SLC5A8: variants seen among roughly 807,000 people sequenced by gnomAD.
SLC5A8 encodes the protein solute carrier family 5 member 8, also known as sodium-coupled monocarboxylate transporter 1.
In SLC5A8, 55 loss-of-function variants were observed where a neutral mutation model predicts 71.9. The ratio of observed to expected loss-of-function variants is 0.77; its 90% CI spans 0.62 to 0.96. The LOEUF (loss-of-function observed/expected upper bound fraction) is 0.96. Among genes scored for constraint, SLC5A8 ranks in the 40% least tolerant of loss-of-function variants. The pLI is 0.00. For missense variants in SLC5A8, 701 were observed against 745.3 expected (o/e 0.94, Z 0.69); for synonymous variants, 307 against 276.1 (o/e 1.11, Z -1.11).
At chr12:101,193,581 G>C in intron 5 of SLC5A8, 44 bp downstream of exon 5, 1 of 1,546,602 alleles carries the variant, frequency 6.5e-7, no homozygotes, top group South Asian at 1.2e-5. Flanking sequence ...TATTTTTATA[G>C]AATACAAAAG....
intron 6 of SLC5A8, among the ~76,000 whole-genome samples, chr12:101,188,995 G>A (rs187541369): frequency 6.0e-4 from 92 of 152,256 alleles, no homozygotes; most frequent in African/African-American, 2.1e-3. Flanking sequence ...TTACCATAGC[G>A]TAAGTGTGAG....
rs530896179 is a variant in SLC5A8, at chr12:101,194,568, C to T, written c.537+527G>A. Among the ~76,000 whole-genome samples, 62 of 152,206 alleles carry T rather than the reference C, an allele frequency of 4.1e-4. 1 individual carries two copies. The highest frequency in any genetic ancestry group is 1.2e-3 in the African/African-American group (49 of 41,536). Reference sequence around the variant, plus strand: ...GCAGCCTCAAATTCCTGGGCTCAGGCGATCCTCCCACCTCAGCCTCCTGAG... The same window carrying T: ...GCAGCCTCAAATTCCTGGGCTCAGGTGATCCTCCCACCTCAGCCTCCTGAG... On this transcript the variant is annotated intron_variant, in intron 4 of 14. Coordinates refer to ENST00000536262, the MANE Select transcript of SLC5A8 (RefSeq NM_145913.5).
chr12:101,200,002 C>A (rs1446436189), intron 3 of SLC5A8, among the ~76,000 whole-genome samples: 4 of 20,490 alleles, frequency 2.0e-4, no homozygotes, highest in Non-Finnish European at 2.0e-4. Context: ...AAATGAAGTA[C>A]TACCAGCAAA....
intron 7 of SLC5A8, among the ~76,000 whole-genome samples, chr12:101,186,834 A>G (rs1340773435): frequency 6.6e-6 from 1 of 152,204 alleles, no homozygotes; most frequent in African/African-American, 2.4e-5. Context: ...GGTAAGTTAT[A>G]TAACCTCTCT....
At position 101,157,041 on chromosome 12, in the gene SLC5A8, G is replaced by C. The variant is rs912108461; in HGVS notation, c.*238C>G. On this transcript the variant is annotated 3_prime_UTR_variant, in exon 15 of 15. Transcript: ENST00000536262. ...TGTAGTTACAATTTTCACAATTATA[G>C]CTTCATCGAAATAAAGGAAAGAGAG... is the stretch of plus-strand genomic sequence containing the variant. 4.4e-6 allele frequency: 2 copies of C among 450,796 alleles called. No individual in the cohort carries two copies. The highest frequency in any genetic ancestry group is 7.9e-6 in the Non-Finnish European group (2 of 254,384). The allele number at this position is 450,796 out of a possible 1,614,324, so 27.9% of individuals were successfully genotyped here.
intron 8 of SLC5A8, among the ~76,000 whole-genome samples, chr12:101,183,212 A>AT (rs1454518910): frequency 3.3e-5 from 5 of 151,808 alleles, no homozygotes; most frequent in African/African-American, 9.7e-5. Flanking sequence ...AGCCTGGCTA[A>AT]TTTTTTGTAT....
At chr12:101,167,958 A>AAATAGAAATATTTT (rs1450343609) in intron 11 of SLC5A8, 138 bp downstream of exon 11, 1 of 834,032 alleles carries the variant, frequency 1.2e-6, no homozygotes, top group African/African-American at 1.7e-5. Context: ...ACACTCCACC[A>AAATAGAAATATTTT]AAGTCAACAG....
intron 1 of SLC5A8, among the ~76,000 whole-genome samples, chr12:101,208,313 G>A (rs538098161): frequency 6.6e-6 from 1 of 152,268 alleles, no homozygotes; most frequent in African/African-American, 2.4e-5. Context: ...TGTCACCAAT[G>A]TTTGTTGTGC....
At chr12:101,207,691 C>T (rs1869730224) in intron 1 of SLC5A8, among the ~76,000 whole-genome samples, 3 of 152,162 alleles carry the variant, frequency 2.0e-5, no homozygotes, top group Non-Finnish European at 4.4e-5. Context: ...TAGATCACAG[C>T]TCACAGACTC....
In SLC5A8 at chr12:101,157,232, A is replaced by G. The variant is rs2051673368; in HGVS notation, c.*47T>C. On this transcript the variant is annotated 3_prime_UTR_variant, in exon 15 of 15. Coordinates refer to ENST00000536262, the MANE Select transcript of SLC5A8 (RefSeq NM_145913.5). ...ACCTGATCCAATTATCTTAGAAAAC[A>G]TATAAAATTGAAACATCATTTAAGG... The G allele has an allele frequency of 6.3e-7, 1 of 1,591,902 alleles. No individual in the cohort carries two copies. Among genetic ancestry groups the G allele is most frequent in the South Asian group, 1.1e-5 (1 of 88,878 alleles).
chr12:101,162,087 C>A lies in SLC5A8; in HGVS notation c.1527-10G>T, dbSNP rs1566305158. 1 of 1,580,140 alleles carries A rather than the reference C, an allele frequency of 6.3e-7. No homozygotes were observed. The highest frequency in any genetic ancestry group is 2.2e-5 in the East Asian group (1 of 44,662). ...ATCCATCAGTGGAGTCCTAAGAGAG[C>A]AAAAACACAACGGTAAGATTTCATG... On this transcript the variant is annotated splice_polypyrimidine_tract_variant and intron_variant, in intron 12 of 14. Transcript: ENST00000536262.
chr12:101,179,056 A>C (rs1263696396), intron 10 of SLC5A8, among the ~76,000 whole-genome samples: 1 of 152,192 alleles, frequency 6.6e-6, no homozygotes, highest in Admixed American at 6.5e-5. Flanking sequence ...GCTGAAAAAC[A>C]TTTTCAACAT....
chr12:101,184,918 G>C (rs958228695), intron 7 of SLC5A8, among the ~76,000 whole-genome samples: 6 of 152,214 alleles, frequency 3.9e-5, no homozygotes, highest in African/African-American at 1.2e-4. Context: ...GGACTCTGTT[G>C]CATGGCAGTT....
Position 101,209,920 on chromosome 12 carries a change from CT to C in SLC5A8, c.-73del, listed in dbSNP as rs1869859585. 1 of 1,347,156 alleles carries C rather than the reference CT, an allele frequency of 7.4e-7. No homozygotes were observed. Among genetic ancestry groups the C allele is most frequent in the East Asian group, 2.7e-5 (1 of 37,452 alleles). 83.5% of individuals were successfully genotyped at this position (1,347,156 alleles called of 1,614,324 possible). Reference sequence around the variant, plus strand: ...GCGCGCAGCCGGAGCCCGGCGCGCACTTCTTATCCCGGATCCCTGGCGCGCA... The same window carrying C: ...GCGCGCAGCCGGAGCCCGGCGCGCACTCTTATCCCGGATCCCTGGCGCGCA... On this transcript the variant is annotated 5_prime_UTR_variant, in exon 1 of 15. Transcript: ENST00000536262.
intron 13 of SLC5A8, among the ~76,000 whole-genome samples, chr12:101,158,594 C>CTATATA (rs1566303459): frequency 6.6e-4 from 14 of 21,286 alleles, no homozygotes; most frequent in African/African-American, 9.6e-4. Flanking sequence ...CTCTCTCTCT[C>CTATATA]TCTCTATATA....
At chr12:101,184,025 G>T in intron 8 of SLC5A8, 109 bp downstream of exon 8, 1 of 1,046,912 alleles carries the variant, frequency 9.6e-7, no homozygotes, top group Non-Finnish European at 1.4e-6. Context: ...GCCTACTTTG[G>T]GCCATCTGTG....
chr12:101,186,481 T>G (rs1868651393), intron 7 of SLC5A8, among the ~76,000 whole-genome samples: 1 of 152,174 alleles, frequency 6.6e-6, no homozygotes, highest in Non-Finnish European at 1.5e-5. Context: ...AGAAAATAAT[T>G]TTGGCAAGAA....
rs765436496 is a variant in SLC5A8 at position 101,193,795 on chromosome 12, A to G, written c.538-16T>C. 2 of 1,612,824 alleles carry G rather than the reference A, an allele frequency of 1.2e-6. No individual in the cohort carries two copies. Among genetic ancestry groups the G allele is most frequent in the Admixed American group, 1.7e-5 (1 of 59,830 alleles). ...TAAGACCACCCTTTGAGGGGAAAGT[A>G]TATTAGGATTAATGCTTCTATTAGA... On this transcript the variant is annotated splice_polypyrimidine_tract_variant and intron_variant, in intron 4 of 14. Transcript: ENST00000536262.
In SLC5A8 at chr12:101,157,018, T is replaced by C; in HGVS notation, c.*261A>G. On this transcript the variant is annotated 3_prime_UTR_variant, in exon 15 of 15. Coordinates refer to ENST00000536262, the MANE Select transcript of SLC5A8 (RefSeq NM_145913.5). ...GTGTATTAGCCTTTCAGCATCTATG[T>C]AGTTACAATTTTCACAATTATAGCT... 2.5e-6 allele frequency: 1 copy of C among 396,374 alleles called. No homozygotes were observed. Among genetic ancestry groups the C allele is most frequent in the African/African-American group, 2.0e-5 (1 of 49,952 alleles). The allele number at this position is 396,374 out of a possible 1,614,324, so 24.6% of individuals were successfully genotyped here.
Sources: allele counts gnomAD v4.1 joint callset (sites outside exome capture counted in the v4.1 genomes callset), GRCh38; gene constraint gnomAD v4.1.1; transcripts MANE v1.5; gene names NCBI Gene and HGNC (gene_info 2026-07-23, HGNC 2026-07-21).